The following ERBB4 variants were observed in gnomAD, a reference collection of about 807,000 sequenced individuals.
ERBB4 encodes the protein erb-b2 receptor tyrosine kinase 4.
In ERBB4, 42 loss-of-function variants were observed where a neutral mutation model predicts 158.0. The ratio of observed to expected loss-of-function variants is 0.27; its 90% CI spans 0.21 to 0.34. The LOEUF is 0.34. Among genes scored for constraint, ERBB4 ranks in the 10% least tolerant of loss-of-function variants. ERBB4 has a pLI of 1.00. For synonymous variants in ERBB4, 583 were observed against 558.7 expected (o/e 1.04, Z -0.61); for missense variants, 1,333 against 1,624.1 (o/e 0.82, Z 3.08).
intron 1 of ERBB4, among the ~76,000 whole-genome samples, chr2:212,409,318 A>G (rs965950775): frequency 6.6e-6 from 1 of 152,140 alleles, no homozygotes; most frequent in African/African-American, 2.4e-5. Flanking sequence ...GTAAATAAGT[A>G]ATACTAATGT....
intron 20 of ERBB4, among the ~76,000 whole-genome samples, chr2:211,478,425 G>A (rs889846424): frequency 1.3e-5 from 2 of 152,090 alleles, no homozygotes; most frequent in African/African-American, 4.8e-5. Flanking sequence ...CTAAAATCGT[G>A]TGTGTTCAAA....
chr2:211,480,251 T>C (rs1326014012), intron 20 of ERBB4, among the ~76,000 whole-genome samples: 4 of 152,148 alleles, frequency 2.6e-5, no homozygotes, highest in Admixed American at 1.3e-4. Context: ...GGAACTGGCA[T>C]TGTTTCTTAG....
At chr2:212,242,036 T>C (rs1481351642) in intron 1 of ERBB4, among the ~76,000 whole-genome samples, 1 of 151,998 alleles carries the variant, frequency 6.6e-6, no homozygotes, top group African/African-American at 2.4e-5. Flanking sequence ...GGACATTTTA[T>C]ATGCTATAGA....
intron 3 of ERBB4, among the ~76,000 whole-genome samples, chr2:211,878,121 AAAC>A: frequency 6.6e-6 from 1 of 152,300 alleles, no homozygotes; most frequent in African/African-American, 2.4e-5. Context: ...ACAAACAAAC[AAAC>A]AACAACAAAA....
At chr2:212,135,312 C>G (rs2080238766) in intron 1 of ERBB4, among the ~76,000 whole-genome samples, 1 of 152,122 alleles carries the variant, frequency 6.6e-6, no homozygotes, top group Non-Finnish European at 1.5e-5. Flanking sequence ...TGATTGTCTT[C>G]TATGAGTAAT....
At chr2:212,158,436 T>G (rs1166179178) in intron 1 of ERBB4, among the ~76,000 whole-genome samples, 2 of 151,936 alleles carry the variant, frequency 1.3e-5, no homozygotes, top group African/African-American at 4.8e-5. Context: ...AGTGCACATA[T>G]TACTTCCTTT....
rs79355314 is a variant in ERBB4 at position 211,458,035 on chromosome 2, A to C, written c.2488-26935T>G. The stretch of plus-strand genomic sequence containing the variant: ...GCACTGACCAGGTCTTGTGGGCTCC[A>C]ATCAGTGCAATAGATATATTTGTGC... On this transcript the variant is annotated intron_variant, in intron 20 of 27. Coordinates refer to ENST00000342788, the MANE Select transcript of ERBB4 (RefSeq NM_005235.3). Among the ~76,000 whole-genome samples, 769 of 147,826 alleles carry C rather than the reference A, an allele frequency of 5.2e-3. 3 individuals carry two copies. The highest frequency in any genetic ancestry group is 9.2e-3 in the Non-Finnish European group (616 of 67,046).
chr2:211,777,027 G>A (rs1388607924), intron 4 of ERBB4, among the ~76,000 whole-genome samples: 2 of 152,066 alleles, frequency 1.3e-5, no homozygotes, highest in Admixed American at 1.3e-4. Flanking sequence ...GTTTGGCAAG[G>A]GTACATTTAC....
At chr2:212,018,828 G>C (rs2076582759) in intron 2 of ERBB4, among the ~76,000 whole-genome samples, 1 of 152,062 alleles carries the variant, frequency 6.6e-6, no homozygotes, top group South Asian at 2.1e-4. Context: ...AGGAGACAGG[G>C]AGAACATTCA....
chr2:212,362,072 TAATTGA>T (rs1189145069), intron 1 of ERBB4, among the ~76,000 whole-genome samples: 1 of 151,606 alleles, frequency 6.6e-6, no homozygotes, highest in Non-Finnish European at 1.5e-5. Context: ...ACAAATTGTA[TAATTGA>T]AACTTTCAAA....
chr2:212,317,075 T>C (rs1686249694), intron 1 of ERBB4, among the ~76,000 whole-genome samples: 1 of 151,520 alleles, frequency 6.6e-6, no homozygotes, highest in Non-Finnish European at 1.5e-5. Context: ...ATTTTCCAAC[T>C]AAAAATGTAA....
At chr2:211,512,557 A>G (rs1484666539) in intron 20 of ERBB4, among the ~76,000 whole-genome samples, 2 of 152,136 alleles carry the variant, frequency 1.3e-5, no homozygotes, top group Admixed American at 6.5e-5. Context: ...GAAATTAAAA[A>G]AAAAACTTTT....
At chr2:211,520,473 G>C (rs2066156871) in intron 20 of ERBB4, among the ~76,000 whole-genome samples, 1 of 152,088 alleles carries the variant, frequency 6.6e-6, no homozygotes, top group Non-Finnish European at 1.5e-5. Context: ...TGCAAACTAA[G>C]AATGGTTTTT....
intron 3 of ERBB4, among the ~76,000 whole-genome samples, chr2:211,876,499 G>A (rs1427186872): frequency 6.6e-6 from 1 of 152,106 alleles, no homozygotes; most frequent in Non-Finnish European, 1.5e-5. Flanking sequence ...AATATTAATA[G>A]ATACTTTTCC....
chr2:211,516,677 C>T (rs2066043006), intron 20 of ERBB4, among the ~76,000 whole-genome samples: 1 of 152,020 alleles, frequency 6.6e-6, no homozygotes, highest in African/African-American at 2.4e-5. Flanking sequence ...GTAAAACTTA[C>T]TAAGAGGAAT....
intron 20 of ERBB4, among the ~76,000 whole-genome samples, chr2:211,497,584 G>A (rs1347239068): frequency 6.6e-6 from 1 of 152,084 alleles, no homozygotes; most frequent in Non-Finnish European, 1.5e-5. Flanking sequence ...TTATAAAAAA[G>A]TTTTCTAAGA....
chr2:211,687,657 G>A (rs1253927458), intron 12 of ERBB4, among the ~76,000 whole-genome samples: 1 of 152,108 alleles, frequency 6.6e-6, no homozygotes, highest in Non-Finnish European at 1.5e-5. Context: ...TGAGTAGAAA[G>A]AACAGGCTTT....
chr2:211,708,455 T>G (rs1024617890), intron 9 of ERBB4, among the ~76,000 whole-genome samples: 2 of 151,984 alleles, frequency 1.3e-5, no homozygotes, highest in Non-Finnish European at 2.9e-5. Flanking sequence ...TCCAAAAGAG[T>G]CTATATAAGA....
chr2:211,697,040 G>T (rs1197236756), intron 12 of ERBB4, among the ~76,000 whole-genome samples: 3 of 152,156 alleles, frequency 2.0e-5, no homozygotes, highest in Non-Finnish European at 4.4e-5. Flanking sequence ...GACAGGCATT[G>T]GGTTCAAATC....
Sources: allele counts gnomAD v4.1 joint callset (sites outside exome capture counted in the v4.1 genomes callset), GRCh38; gene constraint gnomAD v4.1.1; transcripts MANE v1.5; gene names NCBI Gene and HGNC (gene_info 2026-07-23, HGNC 2026-07-21).